TLN2: variants seen among roughly 807,000 people sequenced by gnomAD.
The protein encoded by TLN2 is talin-2.
A neutral mutation model predicts 294.7 loss-of-function variants in TLN2; 118 were observed. The observed-to-expected ratio is 0.40, with a 90% confidence interval of 0.34 to 0.47. The LOEUF is 0.47. TLN2 is among the 20% of genes least tolerant of loss of function. TLN2 has a pLI of 0.84. For missense variants in TLN2, 3,083 were observed against 3,282.2 expected (o/e 0.94, Z 1.48); for synonymous variants, 1,431 against 1,304.5 (o/e 1.10, Z -2.09).
intron 1 of TLN2, among the ~76,000 whole-genome samples, chr15:62,440,623 G>A (rs1275459548): frequency 6.6e-6 from 1 of 152,162 alleles, no homozygotes; most frequent in Non-Finnish European, 1.5e-5. Context: ...CTCTCTTGCT[G>A]TTCTCTTATA....
At chr15:62,663,384 G>A (rs1162747902) in intron 9 of TLN2, among the ~76,000 whole-genome samples, 1 of 150,748 alleles carries the variant, frequency 6.6e-6, no homozygotes, top group East Asian at 1.9e-4. Context: ...ATGTCCAGAA[G>A]GATGCTTGCT....
chr15:62,618,958 C>G (rs1272052561), intron 3 of TLN2, among the ~76,000 whole-genome samples: 1 of 152,318 alleles, frequency 6.6e-6, no homozygotes, highest in African/African-American at 2.4e-5. Context: ...GGACTGAATA[C>G]TTGTGCCTTT....
intron 1 of TLN2, among the ~76,000 whole-genome samples, chr15:62,483,209 C>T (rs889987319): frequency 3.3e-5 from 5 of 152,186 alleles, no homozygotes; most frequent in African/African-American, 4.8e-5. Context: ...AGAGTCACAG[C>T]CCTTCTCTGT....
chr15:62,474,920 G>GA (rs1040691444), intron 1 of TLN2, among the ~76,000 whole-genome samples: 50 of 145,436 alleles, frequency 3.4e-4, no homozygotes, highest in Admixed American at 5.5e-4. Context: ...AATGCTAATG[G>GA]AAAAAAAAAA....
At chr15:62,671,845 G>A (rs1042058206) in intron 9 of TLN2, among the ~76,000 whole-genome samples, 1 of 152,124 alleles carries the variant, frequency 6.6e-6, no homozygotes, top group Non-Finnish European at 1.5e-5. Context: ...CATTGAACAT[G>A]CTCCCCTATT....
rs1459507319 is a variant in TLN2, at chr15:62,690,213, C to T, written c.1114-2627C>T. On this transcript the variant is annotated intron_variant, in intron 12 of 58. Coordinates refer to ENST00000636159, the MANE Select transcript of TLN2 (RefSeq NM_015059.3). ...GCGGAGACGCTCCTCACTTCCCAGA[C>T]GGGGTGGCTGCCGGGCGGAGAGGCT... is the stretch of plus-strand genomic sequence containing the variant. 2.6e-4 allele frequency: 41 copies of T among 158,952 alleles called. No homozygotes were observed. In the East Asian group the frequency reaches 5.1e-3, roughly 20 times the overall value. The allele number at this position is 158,952 out of a possible 1,614,324, so 9.8% of individuals were successfully genotyped here.
chr15:62,467,290 C>T (rs1286510583), intron 1 of TLN2, among the ~76,000 whole-genome samples: 1 of 152,168 alleles, frequency 6.6e-6, no homozygotes, highest in African/African-American at 2.4e-5. Flanking sequence ...TTTTGCTTCC[C>T]AGATAGGGGT....
chr15:62,663,363 A>G (rs1474874385), intron 9 of TLN2, among the ~76,000 whole-genome samples: 1 of 150,830 alleles, frequency 6.6e-6, no homozygotes, highest in African/African-American at 2.5e-5. Flanking sequence ...GTTTAATATT[A>G]ATTCCCTTTA....
intron 26 of TLN2, 31 bp downstream of exon 26, chr15:62,722,518 G>A: frequency 6.3e-7 from 1 of 1,587,400 alleles, no homozygotes; most frequent in Non-Finnish European, 8.6e-7. Context: ...GGGTTAACTT[G>A]TCAGGAAGGG....
At chr15:62,572,326 G>A (rs1278792149) in intron 1 of TLN2, among the ~76,000 whole-genome samples, 3 of 151,788 alleles carry the variant, frequency 2.0e-5, no homozygotes, top group Non-Finnish European at 4.4e-5. Flanking sequence ...CTGTAACCTC[G>A]ACCTCCTGGG....
intron 35 of TLN2, among the ~76,000 whole-genome samples, chr15:62,753,306 G>A (rs1026695352): frequency 9.2e-5 from 14 of 152,106 alleles, no homozygotes; most frequent in African/African-American, 3.1e-4. Flanking sequence ...GGTAAGCTAC[G>A]AGATGAGGAA....
intron 1 of TLN2, among the ~76,000 whole-genome samples, chr15:62,551,513 TACACACACACACACACACAC>T (rs56986714): frequency 2.0e-5 from 3 of 146,986 alleles, no homozygotes; most frequent in African/African-American, 7.6e-5. Context: ...CTACTAAAAA[TACACACACACACACACACAC>T]ACACACACAC....
At chr15:62,531,366 A>C (rs1211396797) in intron 1 of TLN2, among the ~76,000 whole-genome samples, 1 of 152,200 alleles carries the variant, frequency 6.6e-6, no homozygotes, top group East Asian at 1.9e-4. Flanking sequence ...CCTTGATCTC[A>C]TAGAAGCAGA....
At chr15:62,699,340 C>T (rs996775880) in intron 16 of TLN2, among the ~76,000 whole-genome samples, 2 of 151,916 alleles carry the variant, frequency 1.3e-5, no homozygotes, top group African/African-American at 4.8e-5. Context: ...CCATCAGCAT[C>T]ATCCGAAGGG....
chr15:62,653,225 G>C lies in TLN2; in HGVS notation c.428G>C (p.Gly143Ala). 1 of 1,612,448 alleles carries C rather than the reference G, an allele frequency of 6.2e-7. No individual in the cohort carries two copies. The highest frequency in any genetic ancestry group is 8.5e-7 in the Non-Finnish European group (1 of 1,179,412). Residue 143 changes from glycine (G) to alanine (A), a missense_variant, in exon 7 of 59, where the codon GGA becomes GCA. By Grantham distance (60) the Gly-to-Ala change is moderately conservative. Coordinates refer to ENST00000636159, the MANE Select transcript of TLN2 (RefSeq NM_015059.3). Reference protein sequence around the residue: ...QETIEEKKEEGTGTLKKDRTL... With the variant: ...QETIEEKKEEATGTLKKDRTL... Reference sequence around the variant, plus strand: ...ACTATTGAAGAAAAGAAAGAGGAAGGAACGGGCACACTCAAAAAAGACAGG... The same window carrying C: ...ACTATTGAAGAAAAGAAAGAGGAAGCAACGGGCACACTCAAAAAAGACAGG...
At position 62,415,188 on chromosome 15, in the gene TLN2, G is replaced by A. The variant is rs531101339; in HGVS notation, c.-238+24503G>A. ...TTTCCCAAAGTGCTGGATTACAGGC[G>A]TGAGCCACTGTGTCAAGGATGCCTT... is the stretch of plus-strand genomic sequence containing the variant. On this transcript the variant is annotated intron_variant, in intron 1 of 58. Coordinates refer to ENST00000636159, the MANE Select transcript of TLN2 (RefSeq NM_015059.3). Among the ~76,000 whole-genome samples the A allele has an allele frequency of 3.5e-4, 50 of 141,542 alleles. 16 individuals are homozygous for A. The East Asian group carries it at 0.014, about 40-fold the overall frequency. The allele number at this position is 141,542 out of a possible 152,430, so 92.9% of individuals were successfully genotyped here.
At chr15:62,582,058 G>A (rs1439526064) in intron 1 of TLN2, among the ~76,000 whole-genome samples, 1 of 147,702 alleles carries the variant, frequency 6.8e-6, no homozygotes, top group Non-Finnish European at 1.5e-5. Flanking sequence ...AAAAAAAAAA[G>A]AAAAAGAAAA....
chr15:62,668,115 A>G (rs1041506183), intron 9 of TLN2, among the ~76,000 whole-genome samples: 11 of 152,296 alleles, frequency 7.2e-5, no homozygotes, highest in African/African-American at 2.4e-4. Flanking sequence ...AAATAAGTCT[A>G]GAGGCCTAAT....
At chr15:62,535,941 C>CTTGT (rs2041327100) in intron 1 of TLN2, among the ~76,000 whole-genome samples, 1 of 152,216 alleles carries the variant, frequency 6.6e-6, no homozygotes. Context: ...TGCGCAAAGT[C>CTTGT]TTGTGACTGC....
Sources: gnomAD v4.1 joint callset for allele counts (sites outside exome capture counted in the v4.1 genomes callset) on GRCh38, gnomAD v4.1.1 for gene constraint, MANE v1.5 for transcripts, NCBI Gene and HGNC (gene_info 2026-07-23, HGNC 2026-07-21) for gene names.